Variants in MYT1L observed in about 807,000 individuals in gnomAD.
MYT1L encodes the protein myelin transcription factor 1-like protein.
In MYT1L, 12 loss-of-function variants were observed where a neutral mutation model predicts 126.7. The observed-to-expected ratio is 0.09, with a 90% CI of 0.06 to 0.15. The LOEUF (loss-of-function observed/expected upper bound fraction) is 0.15, where lower values mean the gene tolerates loss of function less well. Ranked by LOEUF, MYT1L falls within the 10% of genes least tolerant of loss-of-function variation. The probability of loss-of-function intolerance (pLI) is 1.00; values close to 1 mark genes in which losing one functional copy is unlikely to be tolerated. For missense variants in MYT1L, 979 were observed against 1,585.2 expected (o/e 0.62, Z 6.49); for synonymous variants, 541 against 604.2 (o/e 0.90, Z 1.53).
intron 18 of MYT1L, among the ~76,000 whole-genome samples, chr2:1,859,457 G>C (rs10197699): frequency 0.18 from 28,075 of 152,136 alleles, 3,211 homozygotes; most frequent in African/African-American, 0.33. Context: ...AGGTTGCTCA[G>C]AACGTGCAAG....
chr2:1,925,660 G>A (rs753970910), intron 9 of MYT1L, among the ~76,000 whole-genome samples: 1 of 152,108 alleles, frequency 6.6e-6, no homozygotes, highest in African/African-American at 2.4e-5. Context: ...TCCCTGAACC[G>A]TCTGGAGACC....
At chr2:2,147,187 ATGT>A (rs2085017742) in intron 3 of MYT1L, among the ~76,000 whole-genome samples, 2 of 152,334 alleles carry the variant, frequency 1.3e-5, no homozygotes, top group South Asian at 4.1e-4. Flanking sequence ...CATCCTCCCC[ATGT>A]AAACCTCACA....
At chr2:2,111,740 CTCTT>C (rs763668836) in intron 3 of MYT1L, among the ~76,000 whole-genome samples, 24 of 152,220 alleles carry the variant, frequency 1.6e-4, no homozygotes, top group Non-Finnish European at 2.9e-4. Flanking sequence ...TGAATATTTT[CTCTT>C]TCTTTATCTC....
intron 18 of MYT1L, among the ~76,000 whole-genome samples, chr2:1,881,443 G>A (rs1304410174): frequency 6.6e-6 from 1 of 151,116 alleles, no homozygotes; most frequent in Non-Finnish European, 1.5e-5. Flanking sequence ...AAGTTTTACT[G>A]TATTATGCTT....
chr2:2,004,879 AGTTCTTTCCTGCATGT>A (rs1375608738), intron 4 of MYT1L, among the ~76,000 whole-genome samples: 52 of 64,622 alleles, frequency 8.0e-4, no homozygotes, highest in African/African-American at 2.7e-3. Context: ...TTCCTGTAGG[AGTTCTTTCCTGCATGT>A]GTTCTTTCCT....
At chr2:1,972,647 T>C (rs1269233724) in intron 8 of MYT1L, among the ~76,000 whole-genome samples, 2 of 152,204 alleles carry the variant, frequency 1.3e-5, no homozygotes, top group Non-Finnish European at 2.9e-5. Flanking sequence ...AAATGAGGCG[T>C]GCATACATCA....
intron 1 of MYT1L, among the ~76,000 whole-genome samples, chr2:2,320,874 T>A (rs2096151729): frequency 6.6e-6 from 1 of 152,202 alleles, no homozygotes; most frequent in African/African-American, 2.4e-5. Flanking sequence ...CCATCCCTTA[T>A]AATCATTTCC....
In MYT1L at chr2:2,143,289, C is replaced by CAA. The variant is rs781544456; in HGVS notation, c.-304+29581_-304+29582dup. On this transcript the variant is annotated intron_variant, in intron 3 of 24. Transcript: ENST00000647738. ...TGGGCGACAGAGCGAGACTCCGTCT[C>CAA]AAAAAAAAAAAAAAAAAAAAGTTGT... Among the ~76,000 whole-genome samples the CAA allele has an allele frequency of 5.3e-4, 29 of 55,000 alleles. 1 individual carries two copies. Among genetic ancestry groups the CAA allele is most frequent in the African/African-American group, 1.5e-3 (23 of 15,184 alleles). 36.1% of individuals were successfully genotyped at this position (55,000 alleles called of 152,430 possible). A position where few individuals can be genotyped will look rare whatever the true frequency, so the allele number is the denominator to read the frequency against.
chr2:1,884,317 C>T (rs144833668), intron 18 of MYT1L, among the ~76,000 whole-genome samples: 294 of 152,260 alleles, frequency 1.9e-3, no homozygotes, highest in African/African-American at 6.8e-3. Context: ...GACAAATTAA[C>T]CAAACCCTTG....
chr2:2,140,324 T>C (rs1224472397), intron 3 of MYT1L, among the ~76,000 whole-genome samples: 2 of 152,182 alleles, frequency 1.3e-5, no homozygotes, highest in East Asian at 1.9e-4. Flanking sequence ...TTTATTCCAA[T>C]TGTTTTTGTT....
Position 1,934,853 on chromosome 2 carries a change from C to T in MYT1L, c.505+8129G>A, listed in dbSNP as rs2055630753. Among the ~76,000 whole-genome samples, 9 of 152,036 alleles carry T rather than the reference C, an allele frequency of 5.9e-5. No individual in the cohort carries two copies. In the South Asian group the frequency reaches 1.9e-3, roughly 32 times the overall value. On this transcript the variant is annotated intron_variant, in intron 9 of 24. Coordinates refer to ENST00000647738, the MANE Select transcript of MYT1L (RefSeq NM_001303052.2). ...AGAGTGATTGCTTTTATTGTCAGTGCTCGGAACCCGGGGAGCAGAGATAAG... is the reference window on the plus strand; with the variant it reads ...AGAGTGATTGCTTTTATTGTCAGTGTTCGGAACCCGGGGAGCAGAGATAAG...
chr2:2,096,808 T>C (rs148610536), intron 3 of MYT1L, among the ~76,000 whole-genome samples: 1 of 152,204 alleles, frequency 6.6e-6, no homozygotes, highest in East Asian at 1.9e-4. Flanking sequence ...GGCCCCAGGG[T>C]TCTCTTCTTG....
intron 2 of MYT1L, among the ~76,000 whole-genome samples, chr2:2,187,303 TC>T (rs927090157): frequency 2.0e-5 from 3 of 152,098 alleles, no homozygotes; most frequent in Non-Finnish European, 2.9e-5. Context: ...TTACTGGCAC[TC>T]CAGCAATCAC....
At chr2:2,088,387 A>G (rs1185175801) in intron 3 of MYT1L, among the ~76,000 whole-genome samples, 1 of 152,174 alleles carries the variant, frequency 6.6e-6, no homozygotes, top group African/African-American at 2.4e-5. Context: ...ATCTCAAGAG[A>G]CAGTGTTCTA....
chr2:1,935,826 A>G (rs1478459967), intron 9 of MYT1L, among the ~76,000 whole-genome samples: 1 of 152,210 alleles, frequency 6.6e-6, no homozygotes, highest in Admixed American at 6.5e-5. Flanking sequence ...AAGCAAATTG[A>G]ACAGAAACAT....
At chr2:2,196,613 A>T (rs2092809846) in intron 2 of MYT1L, among the ~76,000 whole-genome samples, 1 of 151,858 alleles carries the variant, frequency 6.6e-6, no homozygotes, top group South Asian at 2.1e-4. Context: ...TAACACACAA[A>T]TAGGGGGAAG....
intron 8 of MYT1L, among the ~76,000 whole-genome samples, chr2:1,976,119 C>CAA (rs10622987): frequency 0.043 from 4,452 of 104,176 alleles, 187 homozygotes; most frequent in East Asian, 0.097. Context: ...GTTAAAAGAC[C>CAA]AAAAAAAAAA....
chr2:1,903,960 CGT>C (rs569191144), intron 13 of MYT1L, among the ~76,000 whole-genome samples: 31 of 152,174 alleles, frequency 2.0e-4, no homozygotes, highest in East Asian at 1.9e-3. Flanking sequence ...CGCGTGCGCG[CGT>C]GTGTGTGTCC....
chr2:2,010,613 G>A (rs1330408160), intron 4 of MYT1L, among the ~76,000 whole-genome samples: 2 of 152,190 alleles, frequency 1.3e-5, no homozygotes, highest in Non-Finnish European at 2.9e-5. Context: ...TCGATCCGAC[G>A]CCCTTCTAGG....
Sources: allele counts gnomAD v4.1 joint callset (sites outside exome capture counted in the v4.1 genomes callset), GRCh38; gene constraint gnomAD v4.1.1; transcripts MANE v1.5; gene names NCBI Gene and HGNC (gene_info 2026-07-23, HGNC 2026-07-21).